GPATCH2: variants seen among roughly 807,000 people sequenced by gnomAD.
GPATCH2 encodes G patch domain-containing protein 2.
GPATCH2 carries 51 observed loss-of-function variants against 58.0 expected under a neutral mutation model. The observed-to-expected ratio is 0.88, with a 90% CI of 0.70 to 1.11. The LOEUF is 1.11. GPATCH2 is among the 50% of genes most tolerant of loss of function. GPATCH2 has a pLI of 0.00. For missense variants in GPATCH2, 625 were observed against 652.2 expected (o/e 0.96, Z 0.45); for synonymous variants, 222 against 218.5 (o/e 1.02, Z -0.14).
intron 9 of GPATCH2, among the ~76,000 whole-genome samples, chr1:217,433,090 T>C (rs1658622557): frequency 6.6e-6 from 1 of 152,002 alleles, no homozygotes; most frequent in African/African-American, 2.4e-5. Flanking sequence ...CCCTATCCCT[T>C]TCCCATCATC....
chr1:217,530,685 G>A (rs1664143201), intron 5 of GPATCH2, among the ~76,000 whole-genome samples: 1 of 152,084 alleles, frequency 6.6e-6, no homozygotes, highest in African/African-American at 2.4e-5. Context: ...TATCAGAAGT[G>A]CAGATACATA....
rs1367816285 is a variant in GPATCH2, at chr1:217,622,798, C to T, written c.57-2299G>A. Among the ~76,000 whole-genome samples the T allele has an allele frequency of 2.0e-5, 3 of 152,196 alleles. No homozygotes were observed. In the East Asian group the frequency reaches 5.8e-4, roughly 29 times the overall value. ...GACTTCAAGTGATCCACCCGCCACG[C>T]TTCTCAGTGCTGGAATTATAGGCGT... is the stretch of plus-strand genomic sequence containing the variant. On this transcript the variant is annotated intron_variant, in intron 1 of 9. Transcript: ENST00000366935.
intron 5 of GPATCH2, among the ~76,000 whole-genome samples, chr1:217,552,597 G>C (rs1342929110): frequency 6.6e-6 from 1 of 152,114 alleles, no homozygotes; most frequent in Non-Finnish European, 1.5e-5. Flanking sequence ...AGGCCCCAAA[G>C]GGGTTCCAAA....
intron 6 of GPATCH2, among the ~76,000 whole-genome samples, chr1:217,499,794 GA>G (rs1249083396): frequency 1.3e-5 from 2 of 148,722 alleles, no homozygotes; most frequent in East Asian, 2.0e-4. Context: ...CAGTTTAAAA[GA>G]AAAAAACTAA....
chr1:217,521,636 C>T (rs537755503), intron 5 of GPATCH2, among the ~76,000 whole-genome samples: 6 of 152,126 alleles, frequency 3.9e-5, no homozygotes, highest in Admixed American at 2.6e-4. Context: ...CAAAAGAAGG[C>T]TAACATTTAC....
At chr1:217,435,702 T>A (rs187375802) in intron 9 of GPATCH2, among the ~76,000 whole-genome samples, 7 of 152,314 alleles carry the variant, frequency 4.6e-5, no homozygotes, top group Admixed American at 1.3e-4. Context: ...ATAACAATGA[T>A]AAGTTATGAT....
chr1:217,608,491 C>T (rs1410527384), intron 5 of GPATCH2: 1 of 984,872 alleles, frequency 1.0e-6, no homozygotes, highest in Non-Finnish European at 1.2e-6. Context: ...ATGAAGCTAG[C>T]CTATCAGTTG....
At chr1:217,566,989 T>G (rs1666267461) in intron 5 of GPATCH2, among the ~76,000 whole-genome samples, 1 of 152,058 alleles carries the variant, frequency 6.6e-6, no homozygotes, top group Non-Finnish European at 1.5e-5. Context: ...TAGTAAAAGG[T>G]TTTTTTATGG....
At chr1:217,444,404 T>C (rs1352597792) in intron 9 of GPATCH2, among the ~76,000 whole-genome samples, 2 of 152,230 alleles carry the variant, frequency 1.3e-5, no homozygotes, top group African/African-American at 4.8e-5. Flanking sequence ...AACATTTCCC[T>C]TTCTTTCCTG....
chr1:217,559,909 C>A (rs1458212263), intron 5 of GPATCH2, among the ~76,000 whole-genome samples: 2 of 149,320 alleles, frequency 1.3e-5, no homozygotes, highest in Admixed American at 6.7e-5. Context: ...AGGTCTATAC[C>A]CCTCACTCTC....
intron 9 of GPATCH2, among the ~76,000 whole-genome samples, chr1:217,447,529 T>A (rs1310776641): frequency 6.6e-6 from 1 of 152,160 alleles, no homozygotes. Flanking sequence ...ATCTCCCTCA[T>A]ACAGTTGTTA....
At chr1:217,477,787 C>T (rs565027056) in intron 8 of GPATCH2, among the ~76,000 whole-genome samples, 1 of 152,240 alleles carries the variant, frequency 6.6e-6, no homozygotes, top group Admixed American at 6.5e-5. Flanking sequence ...TTCCCTGGCT[C>T]CCAGATGGCA....
chr1:217,558,367 T>C (rs546657566), intron 5 of GPATCH2, among the ~76,000 whole-genome samples: 1 of 152,330 alleles, frequency 6.6e-6, no homozygotes, highest in East Asian at 1.9e-4. Context: ...TATCTTTTAC[T>C]AACAGGGCTC....
At chr1:217,463,965 G>A (rs777504175) in intron 8 of GPATCH2, among the ~76,000 whole-genome samples, 7 of 152,056 alleles carry the variant, frequency 4.6e-5, no homozygotes, top group Non-Finnish European at 7.4e-5. Context: ...TATATACTCA[G>A]AATAAAAGGC....
intron 8 of GPATCH2, among the ~76,000 whole-genome samples, chr1:217,489,034 A>T (rs1397510590): frequency 6.6e-6 from 1 of 150,952 alleles, no homozygotes; most frequent in Non-Finnish European, 1.5e-5. Context: ...TATGTGTATG[A>T]TTCAATTGTC....
chr1:217,456,040 A>G (rs1285036168), intron 8 of GPATCH2, among the ~76,000 whole-genome samples: 4 of 151,946 alleles, frequency 2.6e-5, no homozygotes, highest in Non-Finnish European at 5.9e-5. Context: ...CTCCCCATCC[A>G]TCTCACTGAA....
At chr1:217,623,260 T>C (rs1431645411) in intron 1 of GPATCH2, among the ~76,000 whole-genome samples, 1 of 152,140 alleles carries the variant, frequency 6.6e-6, no homozygotes, top group East Asian at 1.9e-4. Flanking sequence ...ATTAACTCGA[T>C]GTATGAATAT....
At chr1:217,476,022 A>G (rs78576865) in intron 8 of GPATCH2, among the ~76,000 whole-genome samples, 1,568 of 152,290 alleles carry the variant, frequency 0.01, 17 homozygotes, top group Middle Eastern at 0.02. Context: ...GATGCCACCA[A>G]GAAAACTAAC....
intron 5 of GPATCH2, among the ~76,000 whole-genome samples, chr1:217,524,579 C>T (rs1240409004): frequency 6.6e-6 from 1 of 151,800 alleles, no homozygotes; most frequent in Non-Finnish European, 1.5e-5. Flanking sequence ...CCATTGAGCA[C>T]TGAGTGAAGG....
Sources: gnomAD v4.1 joint callset for allele counts (sites outside exome capture counted in the v4.1 genomes callset) on GRCh38, gnomAD v4.1.1 for gene constraint, MANE v1.5 for transcripts, NCBI Gene and HGNC (gene_info 2026-07-23, HGNC 2026-07-21) for gene names.